The following CEP170B variants were observed in gnomAD, a reference collection of about 807,000 sequenced individuals.
CEP170B encodes centrosomal protein 170B.
In CEP170B, 55 loss-of-function variants were observed where a neutral mutation model predicts 120.6. The observed-to-expected ratio is 0.46, with a 90% confidence interval of 0.37 to 0.57. The LOEUF is 0.57. CEP170B is among the 20% of genes least tolerant of loss of function. CEP170B has a pLI of 0.00. For missense variants in CEP170B, 2,212 were observed against 2,253.3 expected (o/e 0.98, Z 0.37); for synonymous variants, 1,033 against 954.5 (o/e 1.08, Z -1.52).
intron 15 of CEP170B, 45 bp from the exon 16 acceptor site, chr14:104,893,716 G>A (rs369410496): frequency 1.0e-5 from 16 of 1,586,598 alleles, no homozygotes; most frequent in South Asian, 6.9e-5. Context: ...GAGCAGGGGC[G>A]GGGCTCCTCG....
intron 13 of CEP170B, among the ~76,000 whole-genome samples, chr14:104,892,170 C>T (rs1317442506): frequency 6.6e-6 from 1 of 152,052 alleles, no homozygotes; most frequent in Admixed American, 6.5e-5. Context: ...GGGCTGAAGG[C>T]CTAAGTGGGG....
chr14:104,889,405 G>A, intron 12 of CEP170B: 19 of 1,271,410 alleles, frequency 1.5e-5, no homozygotes, highest in Non-Finnish European at 2.0e-5. Flanking sequence ...CCTCGACGCT[G>A]CCCAGCCCTG....
Position 104,887,073 on chromosome 14 carries a change from C to T in CEP170B, c.2834C>T (p.Pro945Leu), listed in dbSNP as rs371742813. The T allele has an allele frequency of 4.8e-5, 78 of 1,611,260 alleles. No individual in the cohort carries two copies. In the African/African-American group the frequency reaches 7.2e-4, roughly 15 times the overall value. The change falls in exon 12 of 19, where the codon CCG becomes CTG. Residue 945 changes from proline (P) to leucine (L), a missense_variant. By Grantham distance (98) the Pro-to-Leu change is moderately conservative. Transcript: ENST00000414716. ...TGTGAGGGGGGCAGCACCCCGAGGC[C>T]GCCGGAGGACGCCCTGTCTGGGGAC... ...AECEGGSTPRPPEDALSGDSD... is the reference protein window; with the variant it reads ...AECEGGSTPRLPEDALSGDSD...
chr14:104,881,702 G>A (rs4983393), intron 6 of CEP170B, among the ~76,000 whole-genome samples: 64,603 of 152,076 alleles, frequency 0.42, 16,630 homozygotes, highest in Middle Eastern at 0.65. Context: ...CACATTGTGG[G>A]GACCAAGGAG....
rs996303863 is a variant in CEP170B at position 104,867,570 on chromosome 14, G to A, written c.-27-854G>A. On this transcript the variant is annotated intron_variant, in intron 1 of 18. Coordinates refer to ENST00000414716, the MANE Select transcript of CEP170B (RefSeq NM_001112726.3). This position sits in a 1 kb window ranked among gnomAD's most constrained non-coding sequence, Gnocchi z 5.4. ...CAGGACATGTGTGCTGGCATGCTCCGGGCTTGCAGGGTGCATGCTGGCTGG... is the reference window on the plus strand; with the variant it reads ...CAGGACATGTGTGCTGGCATGCTCCAGGCTTGCAGGGTGCATGCTGGCTGG... Among the ~76,000 whole-genome samples, 13 of 152,240 alleles carry A rather than the reference G, an allele frequency of 8.5e-5. No homozygotes were observed. The highest frequency in any genetic ancestry group is 2.6e-4 in the African/African-American group (11 of 41,544).
rs370031329 is a variant in CEP170B at position 104,887,840 on chromosome 14, G to C, written c.3601G>C (p.Glu1201Gln). 8.2e-6 allele frequency: 13 copies of C among 1,582,588 alleles called. No individual in the cohort carries two copies. Among genetic ancestry groups the C allele is most frequent in the Non-Finnish European group, 1.0e-5 (12 of 1,168,324 alleles). Residue 1201 changes from glutamate (E) to glutamine (Q), a missense_variant, in exon 12 of 19, where the codon GAG becomes CAG. Glu to Gln is a conservative substitution (Grantham distance 29). Coordinates refer to ENST00000414716, the MANE Select transcript of CEP170B (RefSeq NM_001112726.3). The stretch of plus-strand genomic sequence containing the variant: ...CACCAGCTTCTCTGGCCGCAGTGTG[G>C]AGTTGTGCTGTGCCAGCCGCAAGCC... ...ARTSFSGRSV[E>Q]LCCASRKPTM... is the part of the protein sequence containing the mutation.
chr14:104,883,503 T>C lies in CEP170B; in HGVS notation c.1046T>C (p.Leu349Pro), dbSNP rs368062873. 3.4e-4 allele frequency: 527 copies of C among 1,539,084 alleles called. No individual in the cohort carries two copies. The highest frequency in any genetic ancestry group is 4.4e-4 in the Non-Finnish European group (506 of 1,139,478). ...KSDLPVHTRT[L>P]KGHKHEDGTQ... is the part of the protein sequence containing the mutation. The stretch of plus-strand genomic sequence containing the variant: ...GACCTGCCTGTCCACACCCGCACCC[T>C]GAAGGGTGAGTGCCCAGCTGGCGGC... Residue 349 changes from leucine to proline, a missense_variant, in exon 8 of 19, where the codon CTG (leucine) becomes CCG (proline). Transcript: ENST00000414716.
chr14:104,879,636 C>T (rs551885724), intron 5 of CEP170B, among the ~76,000 whole-genome samples: 6 of 152,242 alleles, frequency 3.9e-5, no homozygotes, highest in Non-Finnish European at 7.4e-5. Flanking sequence ...TTGATGAGGC[C>T]GCCAGCAGGG....
chr14:104,877,886 C>A lies in CEP170B; in HGVS notation c.197C>A (p.Thr66Lys). The A allele has an allele frequency of 1.9e-6, 2 of 1,071,706 alleles. No homozygotes were observed. The highest frequency in any genetic ancestry group is 2.6e-6 in the Non-Finnish European group (2 of 767,858). The allele number at this position is 1,071,706 out of a possible 1,614,324, so 66.4% of individuals were successfully genotyped here. ...CCCCCGCCACCTGTTTTCCTGCAGA[C>A]GTTTGTGAATGACATGCGCATCCCG... ...WVKDLGSLNG[T>K]FVNDMRIPDQ... is the part of the protein sequence containing the mutation. Residue 66 changes from threonine (T) to lysine (K), a missense_variant and splice_region_variant, in exon 4 of 19, where the codon ACG becomes AAG. Thr to Lys is a moderately conservative substitution (Grantham distance 78). This residue lies in a region of CEP170B where 2,166 missense variants were observed against 2,166.7 expected (regional missense o/e 1.00). Transcript: ENST00000414716.
At chr14:104,882,597 G>T in intron 6 of CEP170B, 131 bp from the exon 7 acceptor site, 1 of 650,284 alleles carries the variant, frequency 1.5e-6, no homozygotes, top group Non-Finnish European at 2.6e-6. Flanking sequence ...GCCCTGGGCT[G>T]CCACAGGGCC....
chr14:104,887,520 A>T lies in CEP170B; in HGVS notation c.3281A>T (p.Glu1094Val). 2 of 1,611,444 alleles carry T rather than the reference A, an allele frequency of 1.2e-6. No individual in the cohort carries two copies. The highest frequency in any genetic ancestry group is 2.2e-5 in the South Asian group (2 of 90,930). The change falls in exon 12 of 19, where the codon GAG (glutamate) becomes GTG (valine). Residue 1094 changes from glutamate (E) to valine (V), a missense_variant. Coordinates refer to ENST00000414716, the MANE Select transcript of CEP170B (RefSeq NM_001112726.3). ...CCGCCATCCCCAGCTGCCCGGGAGG[A>T]GCAGAGCCGTAGCTCAGCCAGCTCC... ...APPPSPAARE[E>V]QSRSSASSQK...
chr14:104,876,393 A>T, intron 3 of CEP170B, 48 bp downstream of exon 3: 1 of 1,522,578 alleles, frequency 6.6e-7, no homozygotes, highest in Non-Finnish European at 8.9e-7. Context: ...TCGACCCTTC[A>T]GCCCTGGCCC....
chr14:104,866,774 G>A (rs933446881), intron 1 of CEP170B, among the ~76,000 whole-genome samples: 2 of 152,164 alleles, frequency 1.3e-5, no homozygotes, highest in Admixed American at 6.5e-5. Context: ...AAGACCTTGG[G>A]CGTGGGCACT....
At chr14:104,871,538 C>T (rs945863713) in intron 2 of CEP170B, among the ~76,000 whole-genome samples, 10 of 152,162 alleles carry the variant, frequency 6.6e-5, no homozygotes, top group Non-Finnish European at 1.2e-4. Flanking sequence ...TCCTTGCTTT[C>T]GGCGCCACAT....
rs375448270 is a variant in CEP170B at position 104,887,104 on chromosome 14, C to G, written c.2865C>G (p.Asp955Glu). The G allele has an allele frequency of 1.9e-6, 3 of 1,611,120 alleles. No homozygotes were observed. The highest frequency in any genetic ancestry group is 2.7e-5 in the African/African-American group (2 of 74,916). ...PPEDALSGDSDVDTASTVSLR... is the reference protein window; with the variant it reads ...PPEDALSGDSEVDTASTVSLR... ...AGGACGCCCTGTCTGGGGACTCGGA[C>G]GTGGACACAGCCAGCACCGTCAGCC... Residue 955 changes from aspartate (D) to glutamate (E), a missense_variant, in exon 12 of 19, where the codon GAC becomes GAG. Around this residue, in one of 2 missense-constraint regions of CEP170B, gnomAD observed 2,166 missense variants for 2,166.7 expected, o/e 1.00. Transcript: ENST00000414716.
chr14:104,883,751 T>G (rs1025792923), intron 8 of CEP170B, 80 bp from the exon 9 acceptor site: 97 of 1,345,256 alleles, frequency 7.2e-5, no homozygotes, highest in Non-Finnish European at 9.1e-5. Context: ...AGCTAAGGCA[T>G]GGGGTGATGA....
At position 104,887,687 on chromosome 14, in the gene CEP170B, C is replaced by T; in HGVS notation, c.3448C>T (p.Pro1150Ser). ...TGGTGAGCGGGGGTCCCTGGGCAAC[C>T]CTGAGCCCGTGGGCCGGCCAGCTGC... is the stretch of plus-strand genomic sequence containing the variant. Reference protein sequence around the residue: ...ADGERGSLGNPEPVGRPAAEQ... With the variant: ...ADGERGSLGNSEPVGRPAAEQ... Residue 1150 changes from proline (P) to serine (S), a missense_variant, in exon 12 of 19, where the codon CCT becomes TCT. Around this residue, in one of 2 missense-constraint regions of CEP170B, gnomAD observed 2,166 missense variants for 2,166.7 expected, o/e 1.00. Coordinates refer to ENST00000414716, the MANE Select transcript of CEP170B (RefSeq NM_001112726.3). 1 of 1,581,926 alleles carries T rather than the reference C, an allele frequency of 6.3e-7. No individual in the cohort carries two copies. Among genetic ancestry groups the T allele is most frequent in the Middle Eastern group, 1.7e-4 (1 of 5,970 alleles).
Position 104,883,008 on chromosome 14 carries a change from C to T in CEP170B, c.578-27C>T, listed in dbSNP as rs573496502. On this transcript the variant is annotated intron_variant, in intron 7 of 18. Coordinates refer to ENST00000414716, the MANE Select transcript of CEP170B (RefSeq NM_001112726.3). ...GGTGGCAGGTGGTTACCCTGAGGCCCGGTCTGAAGACATCTTCCCACACCA... is the reference window on the plus strand; with the variant it reads ...GGTGGCAGGTGGTTACCCTGAGGCCTGGTCTGAAGACATCTTCCCACACCA... 136 of 1,483,450 alleles carry T rather than the reference C, an allele frequency of 9.2e-5. No homozygotes were observed. The African/African-American group carries it at 1.2e-3, about 13-fold the overall frequency. The allele number at this position is 1,483,450 out of a possible 1,614,324, so 91.9% of individuals were successfully genotyped here. A position where few individuals can be genotyped will look rare whatever the true frequency, so the allele number is the denominator to read the frequency against.
In CEP170B at chr14:104,885,353, C is replaced by T. The variant is rs1376956343; in HGVS notation, c.1771-16C>T. On this transcript the variant is annotated splice_polypyrimidine_tract_variant and intron_variant, in intron 9 of 18. Transcript: ENST00000414716. ...TTCTCTGACCCTCGGTGCCTGGGAC[C>T]ATTTCCTCTTGGCAGGTCTTTGGGG... is the stretch of plus-strand genomic sequence containing the variant. 3.2e-6 allele frequency: 5 copies of T among 1,545,034 alleles called. No individual in the cohort carries two copies. The Admixed American group carries it at 6.2e-5, about 19-fold the overall frequency.
Sources: allele counts gnomAD v4.1 joint callset (sites outside exome capture counted in the v4.1 genomes callset), GRCh38; gene constraint gnomAD v4.1.1; regional missense constraint gnomAD v4.1.1; non-coding constraint Gnocchi (gnomAD v3.1); transcripts MANE v1.5; gene names NCBI Gene and HGNC (gene_info 2026-07-23, HGNC 2026-07-21).